The following OLFM2 variants were observed in gnomAD, a reference collection of about 807,000 sequenced individuals.
OLFM2 encodes olfactomedin 2.
Under a neutral mutation model 43.9 loss-of-function variants are expected in OLFM2, and 20 were observed. The observed-to-expected ratio is 0.46, with a 90% CI of 0.32 to 0.66. OLFM2 has a LOEUF of 0.66. Among genes scored for constraint, OLFM2 ranks in the 30% least tolerant of loss-of-function variants. The pLI is 0.04. For synonymous variants in OLFM2, 268 were observed against 278.6 expected, an observed-to-expected ratio of 0.96 and a Z score of 0.38; for missense variants, 416 against 643.6, an observed-to-expected ratio of 0.65 and a Z score of 3.83.
At chr19:9,862,867 T>G (rs2145436908) in intron 1 of OLFM2, among the ~76,000 whole-genome samples, 1 of 151,284 alleles carries the variant, frequency 6.6e-6, no homozygotes, top group Admixed American at 6.6e-5. Context: ...CCCAGCTACT[T>G]GGGAGCCTGA....
chr19:9,860,302 A>C (rs1027203260), intron 2 of OLFM2, among the ~76,000 whole-genome samples: 1 of 151,760 alleles, frequency 6.6e-6, no homozygotes, highest in South Asian at 2.1e-4. Context: ...ACATAGGGAG[A>C]CCCCGTCTCC....
At chr19:9,863,341 C>T (rs1012050758) in intron 1 of OLFM2, among the ~76,000 whole-genome samples, 6 of 151,964 alleles carry the variant, frequency 3.9e-5, no homozygotes, top group African/African-American at 1.5e-4. Context: ...AGGTGGGAGC[C>T]ATGGAGGGTT....
intron 1 of OLFM2, among the ~76,000 whole-genome samples, chr19:9,930,977 A>G (rs2086478723): frequency 6.6e-6 from 1 of 152,134 alleles, no homozygotes; most frequent in East Asian, 1.9e-4. Context: ...GCACAGGTGC[A>G]CAACCACACA....
chr19:9,898,390 C>T (rs976327326), intron 1 of OLFM2, among the ~76,000 whole-genome samples: 36 of 151,694 alleles, frequency 2.4e-4, no homozygotes, highest in African/African-American at 8.7e-4. Context: ...GGTGTGGTGG[C>T]GGGCGCCTGT....
At chr19:9,918,187 T>C (rs952353517) in intron 1 of OLFM2, among the ~76,000 whole-genome samples, 7 of 147,290 alleles carry the variant, frequency 4.8e-5, no homozygotes, top group Non-Finnish European at 1.0e-4. Context: ...CCACTTTAGT[T>C]CTTTTATCTT....
intron 1 of OLFM2, among the ~76,000 whole-genome samples, chr19:9,923,865 TA>T (rs557995425): frequency 4.0e-4 from 59 of 149,142 alleles, no homozygotes; most frequent in African/African-American, 1.4e-3. Context: ...TTTGGGAGGC[TA>T]AGGCAGGTGG....
chr19:9,892,048 C>A (rs2046644268), intron 1 of OLFM2, among the ~76,000 whole-genome samples: 1 of 152,068 alleles, frequency 6.6e-6, no homozygotes, highest in Non-Finnish European at 1.5e-5. Context: ...GTGAAACTGG[C>A]ATAGTGAGGA....
intron 1 of OLFM2, among the ~76,000 whole-genome samples, chr19:9,912,030 T>C (rs1175445186): frequency 6.6e-6 from 1 of 152,140 alleles, no homozygotes; most frequent in African/African-American, 2.4e-5. Context: ...ACACTCATTC[T>C]GGGATGCACC....
intron 1 of OLFM2, among the ~76,000 whole-genome samples, chr19:9,929,095 G>A (rs8108165): frequency 0.3 from 45,388 of 151,938 alleles, 8,248 homozygotes; most frequent in African/African-American, 0.51. Context: ...TTGGCAGGGA[G>A]GACATGTCAA....
intron 1 of OLFM2, among the ~76,000 whole-genome samples, chr19:9,921,488 T>TA (rs1184204098): frequency 1.4e-5 from 2 of 147,146 alleles, no homozygotes; most frequent in African/African-American, 5.4e-5. Flanking sequence ...TGAACTACAT[T>TA]AAATTTTTTT....
chr19:9,880,430 G>A (rs1439084626), intron 1 of OLFM2, among the ~76,000 whole-genome samples: 1 of 152,014 alleles, frequency 6.6e-6, no homozygotes, highest in Non-Finnish European at 1.5e-5. Context: ...GAACCTGAAA[G>A]TTGTTTAATG....
chr19:9,908,747 G>C (rs1454788577), intron 1 of OLFM2, among the ~76,000 whole-genome samples: 1 of 151,994 alleles, frequency 6.6e-6, no homozygotes, highest in Non-Finnish European at 1.5e-5. Flanking sequence ...AAAGCACTGG[G>C]ATTACAGGTG....
intron 1 of OLFM2, among the ~76,000 whole-genome samples, chr19:9,928,328 T>G (rs778708262): frequency 1.2e-4 from 19 of 152,236 alleles, no homozygotes; most frequent in Non-Finnish European, 2.4e-4. Flanking sequence ...AGAAGCTATT[T>G]GCCATTTCAT....
intron 1 of OLFM2, among the ~76,000 whole-genome samples, chr19:9,930,047 A>AG (rs1016414544): frequency 6.6e-6 from 1 of 151,856 alleles, no homozygotes; most frequent in Non-Finnish European, 1.5e-5. Context: ...CTCAAAAAAA[A>AG]AAAGAAAGAA....
chr19:9,910,080 G>A (rs1426084913), intron 1 of OLFM2, among the ~76,000 whole-genome samples: 4 of 152,004 alleles, frequency 2.6e-5, no homozygotes, highest in African/African-American at 9.7e-5. Flanking sequence ...TAAGGAAATC[G>A]AATCCCAGCT....
chr19:9,886,013 C>G (rs969220794), intron 1 of OLFM2, among the ~76,000 whole-genome samples: 1 of 151,610 alleles, frequency 6.6e-6, no homozygotes, highest in African/African-American at 2.4e-5. Flanking sequence ...GGGAGGATTG[C>G]TAGAGCCCAG....
At chr19:9,864,739 T>C (rs2046387080) in intron 1 of OLFM2, among the ~76,000 whole-genome samples, 2 of 150,122 alleles carry the variant, frequency 1.3e-5, no homozygotes, top group African/African-American at 2.5e-5. Flanking sequence ...CCCTCCCACA[T>C]CTGCCTCCTG....
intron 1 of OLFM2, among the ~76,000 whole-genome samples, chr19:9,898,602 G>A (rs1426040100): frequency 6.6e-6 from 1 of 151,946 alleles, no homozygotes; most frequent in African/African-American, 2.4e-5. Flanking sequence ...GGGCTCATGC[G>A]ATCCTCCTGC....
Position 9,857,102 on chromosome 19 carries a change from C to T in OLFM2, c.580+161G>A, listed in dbSNP as rs774268488. The T allele has an allele frequency of 1.2e-6, 1 of 840,898 alleles. No individual in the cohort carries two copies. Among genetic ancestry groups the T allele is most frequent in the Non-Finnish European group, 1.9e-6 (1 of 520,212 alleles). 52.1% of individuals were successfully genotyped at this position (840,898 alleles called of 1,614,324 possible). On this transcript the variant is annotated intron_variant, in intron 4 of 5. Transcript: ENST00000264833. This position sits in a 1 kb window ranked among gnomAD's most constrained non-coding sequence, Gnocchi z 5.7. ...AGAGGCCAAGGGTCAGGGCCATTTC[C>T]AGCTTCTGGACTCAAGTGTAGCCTT... is the stretch of plus-strand genomic sequence containing the variant.
Sources: allele counts gnomAD v4.1 joint callset (sites outside exome capture counted in the v4.1 genomes callset), GRCh38; gene constraint gnomAD v4.1.1; non-coding constraint Gnocchi (gnomAD v3.1); transcripts MANE v1.5; gene names NCBI Gene and HGNC (gene_info 2026-07-23, HGNC 2026-07-21).